The following NRG3 variants were observed in gnomAD, a reference collection of about 807,000 sequenced individuals.
NRG3 encodes neuregulin 3, also known as pro-neuregulin-3, membrane-bound isoform.
Under a neutral mutation model 66.9 loss-of-function variants are expected in NRG3, and 31 were observed. The observed-to-expected ratio is 0.46, with a 90% CI of 0.35 to 0.63. The LOEUF is 0.63. Among genes scored for constraint, NRG3 ranks in the 20% least tolerant of loss-of-function variants. The probability of loss-of-function intolerance (pLI) is 0.00; values close to 1 mark genes in which losing one functional copy is unlikely to be tolerated. For missense variants in NRG3, 910 were observed against 878.9 expected (o/e 1.04, Z -0.45); for synonymous variants, 393 against 359.4 (o/e 1.09, Z -1.06).
At chr10:82,851,281 A>C (rs1174576858) in intron 3 of NRG3, among the ~76,000 whole-genome samples, 1 of 152,168 alleles carries the variant, frequency 6.6e-6, no homozygotes, top group Non-Finnish European at 1.5e-5. Flanking sequence ...TGACTTACAC[A>C]GGGCCTAAGC....
chr10:82,128,155 CTGGG>C (rs2068575881), intron 1 of NRG3, among the ~76,000 whole-genome samples: 1 of 151,870 alleles, frequency 6.6e-6, no homozygotes, highest in Non-Finnish European at 1.5e-5. Context: ...AAAATGTGTG[CTGGG>C]ACACATTTTA....
At chr10:81,939,245 C>A (rs1460911937) in intron 1 of NRG3, among the ~76,000 whole-genome samples, 1 of 151,812 alleles carries the variant, frequency 6.6e-6, no homozygotes, top group African/African-American at 2.4e-5. Context: ...ATGGTAGTTT[C>A]TTTGTCTTGT....
intron 2 of NRG3, among the ~76,000 whole-genome samples, chr10:82,376,777 T>G (rs185483708): frequency 6.6e-6 from 1 of 152,318 alleles, no homozygotes; most frequent in African/African-American, 2.4e-5. Flanking sequence ...AGCTTTCTGA[T>G]CATCTTTCCC....
intron 1 of NRG3, among the ~76,000 whole-genome samples, chr10:81,890,076 T>A (rs1445503183): frequency 6.6e-6 from 1 of 152,198 alleles, no homozygotes; most frequent in African/African-American, 2.4e-5. Context: ...TCTAAATGAC[T>A]AGATAACACA....
Position 82,252,796 on chromosome 10 carries a change from G to A in NRG3, c.824-105943G>A, listed in dbSNP as rs189521850. Among the ~76,000 whole-genome samples, 470 of 152,216 alleles carry A rather than the reference G, an allele frequency of 3.1e-3. 1 individual carries two copies. The highest frequency in any genetic ancestry group is 0.01 in the African/African-American group (434 of 41,526). On this transcript the variant is annotated intron_variant, in intron 1 of 8. Coordinates refer to ENST00000372141, the MANE Select transcript of NRG3 (RefSeq NM_001010848.4). ...ACTAATAATGATCTTAAAATAGTGGGTACAGAATAATGCCTCTGGCTCCAG... is the reference window on the plus strand; with the variant it reads ...ACTAATAATGATCTTAAAATAGTGGATACAGAATAATGCCTCTGGCTCCAG...
intron 1 of NRG3, among the ~76,000 whole-genome samples, chr10:82,295,954 T>C (rs2080035971): frequency 6.6e-6 from 1 of 151,888 alleles, no homozygotes; most frequent in African/African-American, 2.4e-5. Flanking sequence ...CATGGATACA[T>C]GTAAAATTAC....
chr10:82,199,935 T>G (rs2152596), intron 1 of NRG3, among the ~76,000 whole-genome samples: 10,731 of 150,794 alleles, frequency 0.071, 741 homozygotes, highest in East Asian at 0.23. Flanking sequence ...GGAAGTAGAA[T>G]AAAGGACTAT....
At chr10:82,916,028 C>CA (rs915882603) in intron 4 of NRG3, among the ~76,000 whole-genome samples, 2 of 151,814 alleles carry the variant, frequency 1.3e-5, no homozygotes, top group Admixed American at 1.3e-4. Context: ...TGGAGGAAGG[C>CA]AAAAAAATCC....
chr10:81,894,814 C>T lies in NRG3; in HGVS notation c.823+18651C>T, dbSNP rs116120303. ...AGACTCTGTTTCCAAGGAAGTGTGG[C>T]CTATGCTGCTCTGCACCTGGGCCTT... On this transcript the variant is annotated intron_variant, in intron 1 of 8. Transcript: ENST00000372141. Among the ~76,000 whole-genome samples the T allele has an allele frequency of 5.5e-3, 836 of 152,164 alleles. 9 individuals carry two copies. The highest frequency in any genetic ancestry group is 0.019 in the African/African-American group (803 of 41,490).
intron 3 of NRG3, among the ~76,000 whole-genome samples, chr10:82,797,827 T>G (rs978764060): frequency 2.6e-5 from 4 of 152,168 alleles, no homozygotes; most frequent in Non-Finnish European, 4.4e-5. Context: ...GAATGTGGCC[T>G]CCTGAAGTTG....
chr10:82,226,062 C>T (rs1397235726), intron 1 of NRG3, among the ~76,000 whole-genome samples: 2 of 152,048 alleles, frequency 1.3e-5, no homozygotes, highest in Non-Finnish European at 2.9e-5. Context: ...AATTTTCTTA[C>T]ATTTTACCCC....
At chr10:82,248,722 G>T (rs1240631827) in intron 1 of NRG3, among the ~76,000 whole-genome samples, 1 of 152,124 alleles carries the variant, frequency 6.6e-6, no homozygotes, top group African/African-American at 2.4e-5. Flanking sequence ...CATTTTAAGT[G>T]GTCTCCCTGC....
At chr10:81,881,182 T>G (rs1014656623) in intron 1 of NRG3, among the ~76,000 whole-genome samples, 8 of 150,734 alleles carry the variant, frequency 5.3e-5, no homozygotes, top group African/African-American at 1.7e-4. Context: ...TGTGTTTTTT[T>G]TGTGTTTTTT....
intron 2 of NRG3, among the ~76,000 whole-genome samples, chr10:82,463,144 C>A (rs1413283421): frequency 6.6e-6 from 1 of 152,184 alleles, no homozygotes; most frequent in Non-Finnish European, 1.5e-5. Flanking sequence ...AACTGGCTTG[C>A]CCTCTGAGCA....
intron 3 of NRG3, among the ~76,000 whole-genome samples, chr10:82,775,490 T>C (rs1591485472): frequency 6.6e-6 from 1 of 152,154 alleles, no homozygotes; most frequent in East Asian, 1.9e-4. Flanking sequence ...ATGATTTCTA[T>C]CTACTCAAAT....
chr10:82,261,387 A>G (rs895491373), intron 1 of NRG3, among the ~76,000 whole-genome samples: 1 of 152,196 alleles, frequency 6.6e-6, no homozygotes, highest in African/African-American at 2.4e-5. Flanking sequence ...CTGAGAGTCA[A>G]TTAAACCTCT....
chr10:82,015,472 C>G (rs1040268904), intron 1 of NRG3, among the ~76,000 whole-genome samples: 2 of 152,048 alleles, frequency 1.3e-5, no homozygotes, highest in Non-Finnish European at 2.9e-5. Context: ...TCCCCATAAT[C>G]CCTATAATCC....
intron 2 of NRG3, among the ~76,000 whole-genome samples, chr10:82,431,546 T>G (rs1299589468): frequency 6.6e-6 from 1 of 152,188 alleles, no homozygotes; most frequent in South Asian, 2.1e-4. Flanking sequence ...TATTTGTCAG[T>G]GTTCTAATTT....
At chr10:82,078,362 A>C (rs1452366224) in intron 1 of NRG3, among the ~76,000 whole-genome samples, 1 of 151,940 alleles carries the variant, frequency 6.6e-6, no homozygotes, top group Admixed American at 6.6e-5. Flanking sequence ...TATTATTGTT[A>C]TTTTTCGAGA....
Sources: gnomAD v4.1 joint callset for allele counts (sites outside exome capture counted in the v4.1 genomes callset) on GRCh38, gnomAD v4.1.1 for gene constraint, MANE v1.5 for transcripts, NCBI Gene and HGNC (gene_info 2026-07-23, HGNC 2026-07-21) for gene names.